Variants in DPEP3 observed in about 807,000 individuals in gnomAD.
DPEP3 encodes the protein membrane-bound dipeptidase 3.
Under a neutral mutation model 47.5 loss-of-function variants are expected in DPEP3, and 42 were observed. That is an observed-to-expected ratio of 0.88 (90% CI 0.69 to 1.14). The LOEUF (loss-of-function observed/expected upper bound fraction) is 1.14, where lower values mean the gene tolerates loss of function less well. Ranked by LOEUF, DPEP3 falls within the 50% of genes most tolerant of loss-of-function variation. The pLI is 0.00. For synonymous variants in DPEP3, 276 were observed against 270.2 expected (o/e 1.02, Z -0.21); for missense variants, 560 against 635.0 (o/e 0.88, Z 1.27).
Position 67,980,480 on chromosome 16 carries a change from G to C in DPEP3, c.-100C>G, listed in dbSNP as rs778129361. On this transcript the variant is annotated 5_prime_UTR_variant, in exon 1 of 10. Coordinates refer to ENST00000268793, the MANE Select transcript of DPEP3 (RefSeq NM_001370198.1). Reference sequence around the variant, plus strand: ...TGACGACCCAGCCTCCCGAAGAGGGGGTTGAAGTCACGCGACTCTGAGACC... The same window carrying C: ...TGACGACCCAGCCTCCCGAAGAGGGCGTTGAAGTCACGCGACTCTGAGACC... 4 of 1,433,966 alleles carry C rather than the reference G, an allele frequency of 2.8e-6. No homozygotes were observed. In the East Asian group the frequency reaches 1.1e-4, roughly 39 times the overall value. The allele number at this position is 1,433,966 out of a possible 1,614,324, so 88.8% of individuals were successfully genotyped here.
chr16:67,976,305 G>T, intron 8 of DPEP3, 77 bp from the exon 9 acceptor site: 2 of 1,577,214 alleles, frequency 1.3e-6, no homozygotes, highest in Non-Finnish European at 1.7e-6. Flanking sequence ...ACCAGCCCTA[G>T]TCACACAGGG....
chr16:67,976,640 G>T, intron 8 of DPEP3, 60 bp downstream of exon 8: 1 of 1,525,114 alleles, frequency 6.6e-7, no homozygotes, highest in Non-Finnish European at 9.0e-7. Flanking sequence ...GGATGGGAAT[G>T]AAGACTAAAG....
intron 8 of DPEP3, 56 bp from the exon 9 acceptor site, chr16:67,976,284 G>GC: frequency 6.2e-7 from 1 of 1,602,964 alleles, no homozygotes; most frequent in Non-Finnish European, 8.5e-7. Flanking sequence ...CTGGGTTGGG[G>GC]CCCGCTGCCC....
At position 67,978,476 on chromosome 16, in the gene DPEP3, A is replaced by T; in HGVS notation, c.544+21T>A. The T allele has an allele frequency of 6.2e-7, 1 of 1,613,908 alleles. No individual in the cohort carries two copies. The highest frequency in any genetic ancestry group is 1.3e-5 in the African/African-American group (1 of 75,006). On this transcript the variant is annotated intron_variant, in intron 3 of 9. Transcript: ENST00000268793. This position sits in a 1 kb window ranked among gnomAD's most constrained non-coding sequence, Gnocchi z 4.4. ...GAACCTCCAGAGTGACATCCTGACT[A>T]CCTCTCATCTGCTGGCCCACCTTCA...
intron 1 of DPEP3, 65 bp from the exon 2 acceptor site, chr16:67,979,830 G>A: frequency 6.3e-7 from 1 of 1,591,890 alleles, no homozygotes; most frequent in Non-Finnish European, 8.5e-7. Context: ...CAGGTGCTTG[G>A]GTCTACCCTC....
At position 67,978,276 on chromosome 16, in the gene DPEP3, C is replaced by T; in HGVS notation, c.677G>A (p.Ser226Asn). ...VRYLTLTFTC[S>N]TPWAESSTKF... ...CAGGTGTTATGCTCACCATGGTGTA[C>T]TGCAGGTGAAGGTAAGTGTCAGGTA... is the stretch of plus-strand genomic sequence containing the variant. The change falls in exon 4 of 10, where the codon AGT (serine) becomes AAT (asparagine). Residue 226 changes from serine to asparagine, a missense_variant. By Grantham distance (46) the Ser-to-Asn change is conservative. Coordinates refer to ENST00000268793, the MANE Select transcript of DPEP3 (RefSeq NM_001370198.1). This position sits in a 1 kb window ranked among gnomAD's most constrained non-coding sequence, Gnocchi z 4.4. The T allele has an allele frequency of 1.9e-6, 3 of 1,614,154 alleles. No individual in the cohort carries two copies. Among genetic ancestry groups the T allele is most frequent in the Non-Finnish European group, 2.5e-6 (3 of 1,180,008 alleles).
In DPEP3 at chr16:67,977,293, A is replaced by G. The variant is rs748337290; in HGVS notation, c.995T>C (p.Leu332Pro). The change falls in exon 7 of 10, where the codon CTT (leucine) becomes CCT (proline). Residue 332 changes from leucine to proline, a missense_variant. Transcript: ENST00000268793. The stretch of plus-strand genomic sequence containing the variant: ...ACCTGCCACAGTGGACACGTTAGCA[A>G]GCAGGTTGCACTGCAGCACCCCCAT... ...LSMGVLQCNL[L>P]ANVSTVADHF... 6 of 1,613,912 alleles carry G rather than the reference A, an allele frequency of 3.7e-6. No individual in the cohort carries two copies. The highest frequency in any genetic ancestry group is 5.1e-6 in the Non-Finnish European group (6 of 1,179,850).
At chr16:67,976,260 C>T (rs746549890) in intron 8 of DPEP3, 32 bp from the exon 9 acceptor site, 33 of 1,611,858 alleles carry the variant, frequency 2.0e-5, no homozygotes, top group Non-Finnish European at 2.6e-5. Flanking sequence ...AGCTGTGGGA[C>T]CTTAGCCCTG....
rs750457802 is a variant in DPEP3, at chr16:67,977,829, T to C, written c.757A>G (p.Lys253Glu). The C allele has an allele frequency of 6.2e-7, 1 of 1,613,830 alleles. No individual in the cohort carries two copies. The highest frequency in any genetic ancestry group is 1.1e-5 in the South Asian group (1 of 91,078). ...NVSGLTSFGE[K>E]VVEELNRLGM... The stretch of plus-strand genomic sequence containing the variant: ...AGGCGGTTCAACTCCTCTACTACTT[T>C]CTGCAGAAACAATTAGGTTTTTTTG... The change falls in exon 6 of 10, where the codon AAA becomes GAA. Residue 253 changes from lysine (K) to glutamate (E), a missense_variant and splice_region_variant. Lys to Glu is a moderately conservative substitution (Grantham distance 56). Coordinates refer to ENST00000268793, the MANE Select transcript of DPEP3 (RefSeq NM_001370198.1).
chr16:67,978,673 A>G lies in DPEP3; in HGVS notation c.415-47T>C. On this transcript the variant is annotated intron_variant, in intron 2 of 9. Coordinates refer to ENST00000268793, the MANE Select transcript of DPEP3 (RefSeq NM_001370198.1). The surrounding 1 kb of genome is among the most constrained non-coding windows in gnomAD (Gnocchi z 4.4). ...CAGAATGAGGCCAGGGCGGTCTTCA[A>G]CCCCCTAGGCCTGCCACTCCTGCCT... The G allele has an allele frequency of 6.3e-7, 1 of 1,595,076 alleles. No homozygotes were observed. Among genetic ancestry groups the G allele is most frequent in the Non-Finnish European group, 8.5e-7 (1 of 1,172,196 alleles).
chr16:67,978,202 C>G lies in DPEP3; in HGVS notation c.686+65G>C, dbSNP rs570621436. 1.6e-5 allele frequency: 26 copies of G among 1,610,504 alleles called. No homozygotes were observed. The highest frequency in any genetic ancestry group is 2.2e-5 in the Non-Finnish European group (26 of 1,177,796). ...TCATCCTCAACGGCTTGGTCACACCCATGCCAGGAATGGGGCAGTTTCCAC... is the reference window on the plus strand; with the variant it reads ...TCATCCTCAACGGCTTGGTCACACCGATGCCAGGAATGGGGCAGTTTCCAC... On this transcript the variant is annotated intron_variant, in intron 4 of 9. Transcript: ENST00000268793. This position sits in a 1 kb window ranked among gnomAD's most constrained non-coding sequence, Gnocchi z 4.4.
rs2031242473 is a variant in DPEP3 at position 67,978,189 on chromosome 16, G to C, written c.686+78C>G. The C allele has an allele frequency of 6.2e-7, 1 of 1,606,314 alleles. No homozygotes were observed. The highest frequency in any genetic ancestry group is 8.5e-7 in the Non-Finnish European group (1 of 1,174,968). On this transcript the variant is annotated intron_variant, in intron 4 of 9. Transcript: ENST00000268793. The surrounding 1 kb of genome is among the most constrained non-coding windows in gnomAD (Gnocchi z 4.4). ...TCTGCGGACCCCTTCATCCTCAACG[G>C]CTTGGTCACACCCATGCCAGGAATG...
In DPEP3 at chr16:67,978,396, G is replaced by C; in HGVS notation, c.557C>G (p.Ser186Cys). 1 of 1,614,034 alleles carries C rather than the reference G, an allele frequency of 6.2e-7. No homozygotes were observed. The highest frequency in any genetic ancestry group is 8.5e-7 in the Non-Finnish European group (1 of 1,179,906). Residue 186 changes from serine to cysteine, a missense_variant, in exon 4 of 10, where the codon TCT becomes TGT. Ser to Cys is a moderately radical substitution (Grantham distance 112). Transcript: ENST00000268793. The surrounding 1 kb of genome is among the most constrained non-coding windows in gnomAD (Gnocchi z 4.4). ...GCCAATGAGGCAGGCCAGCTTTTGA[G>C]AGCTGTTCAGACCTAGAAGGAGGTA... ...LVTSAEGLNSSQKLACLIGVE... is the reference protein window; with the variant it reads ...LVTSAEGLNSCQKLACLIGVE...
In DPEP3 at chr16:67,975,807, C is replaced by T. The variant is rs2151348367; in HGVS notation, c.1425G>A (p.Val475=). ...NASPYLVPGL[V]AAATIPTFTQ... ...TGAAGGTTGGGATGGTGGCAGCAGCCACAAGGCCTGGAACAAGGTATGGGG... is the reference window on the plus strand; with the variant it reads ...TGAAGGTTGGGATGGTGGCAGCAGCTACAAGGCCTGGAACAAGGTATGGGG... Residue 475 remains valine (V), a synonymous_variant, in exon 10 of 10, where the codon GTG becomes GTA. Transcript: ENST00000268793. 1 of 1,613,880 alleles carries T rather than the reference C, an allele frequency of 6.2e-7. No homozygotes were observed. Among genetic ancestry groups the T allele is most frequent in the Non-Finnish European group, 8.5e-7 (1 of 1,179,842 alleles).
chr16:67,976,098 C>T lies in DPEP3; in HGVS notation c.1225G>A (p.Glu409Lys), dbSNP rs2031188976. 1 of 1,614,110 alleles carries T rather than the reference C, an allele frequency of 6.2e-7. No individual in the cohort carries two copies. Among genetic ancestry groups the T allele is most frequent in the Non-Finnish European group, 8.5e-7 (1 of 1,180,048 alleles). ...TGTCCACCAGCCCAGCTTACCTTTT[C>T]CACTTGTCTGAAGACCCGCAGCAGG... is the stretch of plus-strand genomic sequence containing the variant. ...GNLLRVFRQV[E>K]KVREESRAQS... Residue 409 changes from glutamate (E) to lysine (K), a missense_variant, in exon 9 of 10, where the codon GAA (glutamate) becomes AAA (lysine). Glu to Lys is a moderately conservative substitution (Grantham distance 56). Coordinates refer to ENST00000268793, the MANE Select transcript of DPEP3 (RefSeq NM_001370198.1).
In DPEP3 at chr16:67,980,437, A is replaced by C. The variant is rs748814678; in HGVS notation, c.-57T>G. ...AGGAGCAGGCGATGGGCAGAGGCCG[A>C]CAATGGGGTCCGGATCATGACGACC... On this transcript the variant is annotated 5_prime_UTR_variant, in exon 1 of 10. Transcript: ENST00000268793. The C allele has an allele frequency of 3.3e-5, 48 of 1,473,686 alleles. No homozygotes were observed. Among genetic ancestry groups the C allele is most frequent in the Non-Finnish European group, 4.1e-5 (46 of 1,113,286 alleles). The allele number at this position is 1,473,686 out of a possible 1,614,324, so 91.3% of individuals were successfully genotyped here.
chr16:67,976,116 G>T lies in DPEP3; in HGVS notation c.1207C>A (p.Arg403=). The change falls in exon 9 of 10, where the codon CGG becomes AGG. Residue 403 remains arginine (R), a synonymous_variant. Transcript: ENST00000268793. ...ACCTTTTCCACTTGTCTGAAGACCC[G>T]CAGCAGGTTTCCACGAAGGACACCT... is the stretch of plus-strand genomic sequence containing the variant. ...LQGVLRGNLL[R]VFRQVEKVRE... 1 of 1,614,082 alleles carries T rather than the reference G, an allele frequency of 6.2e-7. No individual in the cohort carries two copies. The highest frequency in any genetic ancestry group is 8.5e-7 in the Non-Finnish European group (1 of 1,180,002).
Position 67,980,125 on chromosome 16 carries a change from C to G in DPEP3, c.256G>C (p.Ala86Pro). Residue 86 changes from alanine to proline, a missense_variant, in exon 1 of 10, where the codon GCC becomes CCC. By Grantham distance (27) the Ala-to-Pro change is conservative (BLOSUM62 -1). Transcript: ENST00000268793. Reference protein sequence around the residue: ...KTLDLRGRAQALMRSFPLVDG... With the variant: ...KTLDLRGRAQPLMRSFPLVDG... ...ACGAGTGGGAAACTCCGCATCAGGG[C>G]CTGCGCGCGACCCCGAAGGTCCAGG... The G allele has an allele frequency of 6.2e-7, 1 of 1,612,584 alleles. No homozygotes were observed. The highest frequency in any genetic ancestry group is 8.5e-7 in the Non-Finnish European group (1 of 1,179,408).
chr16:67,977,597 G>A, intron 6 of DPEP3, 56 bp downstream of exon 6: 3 of 1,550,072 alleles, frequency 1.9e-6, no homozygotes, highest in South Asian at 2.4e-5. Context: ...TTGTGCTCAG[G>A]GTCAAGAACC....
Sources: allele counts gnomAD v4.1 joint callset, GRCh38; gene constraint gnomAD v4.1.1; non-coding constraint Gnocchi (gnomAD v3.1); transcripts MANE v1.5; gene names NCBI Gene and HGNC (gene_info 2026-07-23, HGNC 2026-07-21).